CHPF: variants seen among roughly 807,000 people sequenced by gnomAD.
CHPF encodes chondroitin polymerizing factor, also known as chondroitin polymerizing factor, non-catalytic subunit.
In CHPF, 34 loss-of-function variants were observed where a neutral mutation model predicts 55.1. That is an observed-to-expected ratio of 0.62 (90% CI 0.47 to 0.82). The LOEUF (loss-of-function observed/expected upper bound fraction) is 0.82. Among genes scored for constraint, CHPF ranks in the 40% least tolerant of loss-of-function variants. The probability of loss-of-function intolerance (pLI) is 0.00; values close to 1 mark genes in which losing one functional copy is unlikely to be tolerated. For synonymous variants in CHPF, 489 were observed against 496.6 expected (o/e 0.98, Z 0.20); for missense variants, 961 against 1,106.1 (o/e 0.87, Z 1.86).
intron 3 of CHPF, 40 bp downstream of exon 3, chr2:219,540,906 C>T: frequency 6.3e-7 from 1 of 1,597,896 alleles, no homozygotes; most frequent in Non-Finnish European, 8.5e-7. Flanking sequence ...TTCTCAGATC[C>T]TGTCCCCGTC....
At chr2:219,541,158 G>A in intron 2 of CHPF, 33 bp from the exon 3 acceptor site, 2 of 1,543,808 alleles carry the variant, frequency 1.3e-6, no homozygotes, top group South Asian at 1.2e-5. Flanking sequence ...TCTGTGATGA[G>A]CTGGCATTGT....
At position 219,540,162 on chromosome 2, in the gene CHPF, C is replaced by A; in HGVS notation, c.1549G>T (p.Ala517Ser). The A allele has an allele frequency of 6.2e-7, 1 of 1,605,330 alleles. No individual in the cohort carries two copies. The highest frequency in any genetic ancestry group is 8.5e-7 in the Non-Finnish European group (1 of 1,176,204). The part of the protein sequence containing the change: ...RLTVLLPLAA[A>S]ERDLAPGFLE... ...AAGCCAGGGGCCAGGTCACGCTCAG[C>A]CGCAGCTAGAGGCAGCAGCACAGTG... is the stretch of plus-strand genomic sequence containing the variant. Residue 517 changes from alanine (A) to serine (S), a missense_variant, in exon 4 of 4, where the codon GCT becomes TCT. Ala to Ser is a moderately conservative substitution (Grantham distance 99). This residue lies in a region of CHPF where 936 missense variants were observed against 1,058.4 expected (regional missense o/e 0.88). Coordinates refer to ENST00000243776, the MANE Select transcript of CHPF (RefSeq NM_024536.6).
rs762580111 is a variant in CHPF at position 219,543,359 on chromosome 2, G to C, written c.180C>G (p.Arg60=). The part of the protein sequence containing the change: ...LPPRGNTNAA[R]RPNSVQPGAE... ...CTCCGGGCTGCACCGAGTTGGGCCG[G>C]CGCGCCGCGTTGGTGTTGCCGCGCG... The change falls in exon 1 of 4, where the codon CGC becomes CGG. Residue 60 remains arginine (R), a synonymous_variant. Transcript: ENST00000243776. The C allele has an allele frequency of 6.4e-7, 1 of 1,562,826 alleles. No homozygotes were observed. Among genetic ancestry groups the C allele is most frequent in the Non-Finnish European group, 8.6e-7 (1 of 1,164,194 alleles).
chr2:219,539,719 ACGGCCCAGC>A lies in CHPF; in HGVS notation c.1983_1991del (p.Glu661_Arg664delinsAsp). On this transcript the variant is annotated inframe_deletion, in exon 4 of 4. Coordinates refer to ENST00000243776, the MANE Select transcript of CHPF (RefSeq NM_024536.6). ...CCTGGCGATCAAAGCGGCCAGTGTC[ACGGCCCAGC>A]TCTGGGGGCCCAGGCCCTTGTGGTG... The A allele has an allele frequency of 6.2e-7, 1 of 1,613,390 alleles. No individual in the cohort carries two copies.
At position 219,540,331 on chromosome 2, in the gene CHPF, ACC is replaced by A; in HGVS notation, c.1378_1379del (p.Gly460TyrfsTer44). 1 of 1,613,750 alleles carries A rather than the reference ACC, an allele frequency of 6.2e-7. No homozygotes were observed. The highest frequency in any genetic ancestry group is 8.5e-7 in the Non-Finnish European group (1 of 1,179,934). ...GCTGCAAGTCCAGCGTGTATTCCAT[ACC>A]CCGGGCCGGATCAAAGCGTCGGTAG... Reference protein sequence around the residue: ...NGYRRFDPARGMEYTLDLQLE... With the variant: ...NGYRRFDPARXMEYTLDLQLE... On this transcript the variant is annotated frameshift_variant, in exon 4 of 4. Transcript: ENST00000243776. LOFTEE classifies it high-confidence loss of function.
In CHPF at chr2:219,541,789, G is replaced by C. The variant is rs1289625457; in HGVS notation, c.715C>G (p.Pro239Ala). ...AAGCCTCCGTGGCAGTAGCGGCCGG[G>C]GGTGGGCTCTCCGCCGATGAAGTCC... ...PQDFIGGEPT[P>A]GRYCHGGFGV... Residue 239 changes from proline to alanine, a missense_variant, in exon 2 of 4, where the codon CCC becomes GCC. Pro to Ala is a conservative substitution (Grantham distance 27). Transcript: ENST00000243776. 3.1e-6 allele frequency: 5 copies of C among 1,607,340 alleles called. No homozygotes were observed. Among genetic ancestry groups the C allele is most frequent in the African/African-American group, 2.7e-5 (2 of 74,822 alleles).
At position 219,539,253 on chromosome 2, in the gene CHPF, G is replaced by A. The variant is rs1695206501; in HGVS notation, c.*130C>T. 5.8e-6 allele frequency: 5 copies of A among 863,210 alleles called. No homozygotes were observed. Among genetic ancestry groups the A allele is most frequent in the Non-Finnish European group, 8.7e-6 (5 of 574,158 alleles). 53.5% of individuals were successfully genotyped at this position (863,210 alleles called of 1,614,324 possible). A position where few individuals can be genotyped will look rare whatever the true frequency, so the allele number is the denominator to read the frequency against. ...CCCAGGGACCCACAGAGCCAGAGAG[G>A]GGACCAGTGGGCCAGCTTGGGGTCT... On this transcript the variant is annotated 3_prime_UTR_variant, in exon 4 of 4. Transcript: ENST00000243776.
chr2:219,539,244 G>C lies in CHPF; in HGVS notation c.*139C>G. 1.3e-6 allele frequency: 1 copy of C among 799,396 alleles called. No homozygotes were observed. The highest frequency in any genetic ancestry group is 1.7e-5 in the African/African-American group (1 of 57,706). 49.5% of individuals were successfully genotyped at this position (799,396 alleles called of 1,614,324 possible). A position where few individuals can be genotyped will look rare whatever the true frequency, so the allele number is the denominator to read the frequency against. Reference sequence around the variant, plus strand: ...TGTCCAGAGCCCAGGGACCCACAGAGCCAGAGAGGGGACCAGTGGGCCAGC... The same window carrying C: ...TGTCCAGAGCCCAGGGACCCACAGACCCAGAGAGGGGACCAGTGGGCCAGC... On this transcript the variant is annotated 3_prime_UTR_variant, in exon 4 of 4. Transcript: ENST00000243776.
Position 219,540,086 on chromosome 2 carries a change from G to A in CHPF, c.1625C>T (p.Ala542Val). The change falls in exon 4 of 4, where the codon GCC (alanine) becomes GTC (valine). Residue 542 changes from alanine (A) to valine (V), a missense_variant. Ala to Val is a moderately conservative substitution (Grantham distance 64). Transcript: ENST00000243776. ...AALEPGDAAA[A>V]LTLLLLYEPR... ...CTCATACAGTAGCAGCAGGGTCAGG[G>A]CTGCCGCAGCATCACCAGGCTCCAG... 2 of 1,606,214 alleles carry A rather than the reference G, an allele frequency of 1.2e-6. No homozygotes were observed. The highest frequency in any genetic ancestry group is 1.7e-6 in the Non-Finnish European group (2 of 1,177,012).
chr2:219,539,392 G>A lies in CHPF; in HGVS notation c.2319C>T (p.Asn773=). 1.9e-6 allele frequency: 3 copies of A among 1,597,790 alleles called. No individual in the cohort carries two copies. The highest frequency in any genetic ancestry group is 2.2e-5 in the South Asian group (2 of 90,352). ...AMLLFEQEQG[N]ST ...CGGGGACAGGGTGGGGTCAGGTGCT[G>A]TTGCCCTGCTCCTGTTCAAAGAGTA... Residue 773 remains asparagine, a synonymous_variant, in exon 4 of 4, where the codon AAC becomes AAT. Coordinates refer to ENST00000243776, the MANE Select transcript of CHPF (RefSeq NM_024536.6).
chr2:219,540,672 G>C (rs762989086), intron 3 of CHPF, 30 bp from the exon 4 acceptor site: 3 of 1,551,540 alleles, frequency 1.9e-6, no homozygotes, highest in Non-Finnish European at 2.6e-6. Flanking sequence ...CATCAGCAAG[G>C]GACAGATTAC....
chr2:219,542,239 G>GTGGGGGGGGT, intron 1 of CHPF, 50 bp from the exon 2 acceptor site: 1 of 271,384 alleles, frequency 3.7e-6, no homozygotes, highest in Non-Finnish European at 6.9e-6. Context: ...GGGGCGGGGG[G>GTGGGGGGGGT]TGGGGGGGAG....
chr2:219,543,341 C>T lies in CHPF; in HGVS notation c.198G>A (p.Gln66=), dbSNP rs771271034. ...CGGGCTTCTCGCGCTCCGCTCCGGGCTGCACCGAGTTGGGCCGGCGCGCCG... is the reference window on the plus strand; with the variant it reads ...CGGGCTTCTCGCGCTCCGCTCCGGGTTGCACCGAGTTGGGCCGGCGCGCCG... ...TNAARRPNSV[Q]PGAEREKPGA... Residue 66 remains glutamine (Q), a synonymous_variant, in exon 1 of 4, where the codon CAG becomes CAA. Coordinates refer to ENST00000243776, the MANE Select transcript of CHPF (RefSeq NM_024536.6). The T allele has an allele frequency of 6.4e-7, 1 of 1,569,132 alleles. No individual in the cohort carries two copies. The highest frequency in any genetic ancestry group is 1.8e-5 in the Admixed American group (1 of 57,006).
At position 219,540,420 on chromosome 2, in the gene CHPF, C is replaced by T; in HGVS notation, c.1291G>A (p.Glu431Lys). Reference sequence around the variant, plus strand: ...GGGTGGTAGCGGCGGTTCAGCTCCTCTAGAGCTGTCCCCAGAACATCGGCC... The same window carrying T: ...GGGTGGTAGCGGCGGTTCAGCTCCTTTAGAGCTGTCCCCAGAACATCGGCC... ...DVADVLGTAL[E>K]ELNRRYHPAL... Residue 431 changes from glutamate (E) to lysine (K), a missense_variant, in exon 4 of 4, where the codon GAG (glutamate) becomes AAG (lysine). Physicochemically the swap from Glu to Lys is moderately conservative, Grantham distance 56. Coordinates refer to ENST00000243776, the MANE Select transcript of CHPF (RefSeq NM_024536.6). 2 of 1,613,472 alleles carry T rather than the reference C, an allele frequency of 1.2e-6. No homozygotes were observed. The highest frequency in any genetic ancestry group is 8.5e-7 in the Non-Finnish European group (1 of 1,179,986).
At position 219,539,209 on chromosome 2, in the gene CHPF, C is replaced by A; in HGVS notation, c.*174G>T. On this transcript the variant is annotated 3_prime_UTR_variant, in exon 4 of 4. Transcript: ENST00000243776. ...AAGTGGGTGGCTCTGGGGGCACGTC[C>A]CCCAGTGCTTGTCCAGAGCCCAGGG... 1.6e-6 allele frequency: 1 copy of A among 632,620 alleles called. No individual in the cohort carries two copies. The allele number at this position is 632,620 out of a possible 1,614,324, so 39.2% of individuals were successfully genotyped here.
At chr2:219,542,488 C>T (rs570926004) in intron 1 of CHPF, among the ~76,000 whole-genome samples, 5 of 152,170 alleles carry the variant, frequency 3.3e-5, no homozygotes, top group Non-Finnish European at 7.4e-5. Flanking sequence ...GTTATTTAAC[C>T]TGAGCCATCT....
At chr2:219,540,831 G>T (rs74939184) in intron 3 of CHPF, 115 bp downstream of exon 3, 2 of 1,397,646 alleles carry the variant, frequency 1.4e-6, no homozygotes, top group East Asian at 2.3e-5. Flanking sequence ...ACAGGCAGGG[G>T]CTGGGAAGTA....
At position 219,542,240 on chromosome 2, in the gene CHPF, T is replaced by TG. The variant is rs1209158412; in HGVS notation, c.315-52dup. On this transcript the variant is annotated intron_variant, in intron 1 of 3. Transcript: ENST00000243776. ...ATCAAAAGGACAACGGGGCGGGGGG[T>TG]GGGGGGGAGGTGGTCAGCACAGACC... 3.9e-4 allele frequency: 58 copies of TG among 150,028 alleles called. 1 individual carries two copies. The highest frequency in any genetic ancestry group is 1.2e-3 in the South Asian group (13 of 10,684). 9.3% of individuals were successfully genotyped at this position (150,028 alleles called of 1,614,324 possible).
rs760927644 is a variant in CHPF at position 219,540,560 on chromosome 2, C to T, written c.1151G>A (p.Arg384His). The change falls in exon 4 of 4, where the codon CGC becomes CAC. Residue 384 changes from arginine (R) to histidine (H), a missense_variant. By Grantham distance (29) the Arg-to-His change is conservative. This residue lies in a region of CHPF where 936 missense variants were observed against 1,058.4 expected (regional missense o/e 0.88). Coordinates refer to ENST00000243776, the MANE Select transcript of CHPF (RefSeq NM_024536.6). ...AWPVGIPAPS[R>H]PASRFEVLRW... ...CAGCACCTCAAAGCGGGAGGCCGGG[C>T]GGGATGGTGCTGGAATACCCACGGG... 23 of 1,613,586 alleles carry T rather than the reference C, an allele frequency of 1.4e-5. No individual in the cohort carries two copies. The highest frequency in any genetic ancestry group is 2.2e-5 in the East Asian group (1 of 44,868).
Sources: gnomAD v4.1 joint callset for allele counts (sites outside exome capture counted in the v4.1 genomes callset) on GRCh38, gnomAD v4.1.1 for gene constraint, gnomAD v4.1.1 regional missense constraint, MANE v1.5 for transcripts, NCBI Gene and HGNC (gene_info 2026-07-23, HGNC 2026-07-21) for gene names.